Variants in THEMIS observed in about 807,000 individuals in gnomAD.
The protein encoded by THEMIS is protein THEMIS.
In THEMIS, 37 loss-of-function variants were observed where a neutral mutation model predicts 52.6. That is an observed-to-expected ratio of 0.70 (90% CI 0.54 to 0.93). The LOEUF (loss-of-function observed/expected upper bound fraction) is 0.93, where lower values mean the gene tolerates loss of function less well. Among genes scored for constraint, THEMIS ranks in the 40% least tolerant of loss-of-function variants. THEMIS has a pLI of 0.00. For missense variants in THEMIS, 808 were observed against 763.1 expected, an observed-to-expected ratio of 1.06 and a Z score of -0.69; for synonymous variants, 292 against 272.7, an observed-to-expected ratio of 1.07 and a Z score of -0.70.
At chr6:127,781,150 A>G (rs1776729925) in intron 4 of THEMIS, among the ~76,000 whole-genome samples, 1 of 151,376 alleles carries the variant, frequency 6.6e-6, no homozygotes, top group Non-Finnish European at 1.5e-5. Flanking sequence ...TTAATCTTCA[A>G]TCTCTGATAT....
At chr6:127,697,050 T>G in the THEMIS span, among the ~76,000 whole-genome samples, 1 of 152,090 alleles carries the variant, frequency 6.6e-6, no homozygotes, top group African/African-American at 2.4e-5. Context: ...ACTCTAAAAT[T>G]TGTGTCTACA....
At position 127,781,847 on chromosome 6, in the gene THEMIS, G is replaced by T. The variant is rs189783438; in HGVS notation, c.1758+31036C>A. On this transcript the variant is annotated intron_variant, in intron 4 of 5. Coordinates refer to ENST00000368248, the MANE Select transcript of THEMIS (RefSeq NM_001010923.3). ...TGTCTGTCGACCCCTCCCAGGAGGTGTCTCCCAGTCAGGTGCCACTGGGAT... is the reference window on the plus strand; with the variant it reads ...TGTCTGTCGACCCCTCCCAGGAGGTTTCTCCCAGTCAGGTGCCACTGGGAT... 9.1e-4 allele frequency among the ~76,000 whole-genome samples: 138 copies of T among 152,282 alleles called. No homozygotes were observed. The East Asian group carries it at 0.024, about 27-fold the overall frequency.
chr6:127,847,174 AT>A (rs1481156143), intron 2 of THEMIS, among the ~76,000 whole-genome samples: 1 of 152,032 alleles, frequency 6.6e-6, no homozygotes, highest in Non-Finnish European at 1.5e-5. Flanking sequence ...CACAGCCAAC[AT>A]CATACTGAAT....
intron 3 of THEMIS, among the ~76,000 whole-genome samples, chr6:127,815,548 T>C (rs1778098297): frequency 6.6e-6 from 1 of 152,148 alleles, no homozygotes; most frequent in East Asian, 1.9e-4. Context: ...TGGTTGCCTA[T>C]AGGCTAAAGA....
chr6:127,820,531 G>A (rs926613392), intron 3 of THEMIS, among the ~76,000 whole-genome samples: 6 of 152,078 alleles, frequency 3.9e-5, no homozygotes, highest in African/African-American at 1.4e-4. Context: ...CCAGGCTGAG[G>A]AATGTATAAC....
intron 3 of THEMIS, among the ~76,000 whole-genome samples, chr6:127,825,549 C>A (rs766095767): frequency 5.3e-5 from 8 of 152,068 alleles, no homozygotes; most frequent in Non-Finnish European, 1.2e-4. Flanking sequence ...GGTTGGCCTG[C>A]ATAAAAATTG....
At chr6:127,877,137 CT>C (rs1339430916) in intron 1 of THEMIS, among the ~76,000 whole-genome samples, 1 of 152,150 alleles carries the variant, frequency 6.6e-6, no homozygotes, top group Non-Finnish European at 1.5e-5. Context: ...GAGTCATAAT[CT>C]TTTTGCTGGT....
chr6:127,905,098 T>C (rs1283726718), upstream of THEMIS, among the ~76,000 whole-genome samples: 1 of 152,002 alleles, frequency 6.6e-6, no homozygotes, highest in African/African-American at 2.4e-5. Context: ...AGATAATAGC[T>C]GAAGATTTTC....
intron 1 of THEMIS, among the ~76,000 whole-genome samples, chr6:127,874,357 G>A (rs1232970483): frequency 6.6e-6 from 1 of 152,102 alleles, no homozygotes; most frequent in Non-Finnish European, 1.5e-5. Flanking sequence ...ACTGTGACTA[G>A]CACCATAAAC....
rs961799764 is a variant in THEMIS, at chr6:127,769,001, A to C, written c.1758+43882T>G. ...AAATGCAAATGTTGCAGTGTTTCAA[A>C]CACATCACCAAAAGACAATGTTCAT... On this transcript the variant is annotated intron_variant, in intron 4 of 5. Transcript: ENST00000368248. Among the ~76,000 whole-genome samples the C allele has an allele frequency of 1.2e-4, 19 of 152,200 alleles. No homozygotes were observed. In the East Asian group the frequency reaches 1.3e-3, roughly 11 times the overall value.
At chr6:127,901,455 T>A (rs911308892), upstream of THEMIS, among the ~76,000 whole-genome samples, 2 of 152,138 alleles carry the variant, frequency 1.3e-5, no homozygotes, top group Non-Finnish European at 2.9e-5. Flanking sequence ...GCCTTTACAT[T>A]AAAATTGGTA....
Position 127,812,955 on chromosome 6 carries a change from T to C in THEMIS, c.1686A>G (p.Ser562=), listed in dbSNP as rs1777962717. 2 of 1,613,962 alleles carry C rather than the reference T, an allele frequency of 1.2e-6. No homozygotes were observed. The highest frequency in any genetic ancestry group is 2.2e-5 in the South Asian group (2 of 91,080). ...HPPPRPPKHP[S]VEETKLTLLT... is the part of the protein sequence containing the mutation. ...GCAGGGTTAACTTTGTTTCCTCTAC[T>C]GAGGGGTGTTTCGGAGGGCGAGGTG... Residue 562 remains serine, a synonymous_variant, in exon 4 of 6, where the codon TCA becomes TCG. Transcript: ENST00000368248.
At chr6:127,789,173 T>TA (rs1372157559) in intron 4 of THEMIS, among the ~76,000 whole-genome samples, 4 of 151,730 alleles carry the variant, frequency 2.6e-5, no homozygotes, top group Non-Finnish European at 5.9e-5. Flanking sequence ...ATAGACACAA[T>TA]AAAAAATGAT....
Position 127,810,653 on chromosome 6 carries a change from T to C in THEMIS, c.1758+2230A>G, listed in dbSNP as rs1237468985. ...TAAAACAATAAATTTCTGTTCTTTA[T>C]GAATTACTGAGTCTGTGGTATTATG... On this transcript the variant is annotated intron_variant, in intron 4 of 5. Transcript: ENST00000368248. Among the ~76,000 whole-genome samples, 5 of 152,180 alleles carry C rather than the reference T, an allele frequency of 3.3e-5. No homozygotes were observed. The East Asian group carries it at 9.6e-4, about 29-fold the overall frequency.
intron 4 of THEMIS, among the ~76,000 whole-genome samples, chr6:127,803,058 T>C (rs1361613788): frequency 2.6e-5 from 4 of 152,214 alleles, no homozygotes; most frequent in Non-Finnish European, 5.9e-5. Flanking sequence ...ATCCTACACC[T>C]ACCATATGCT....
intron 1 of THEMIS, among the ~76,000 whole-genome samples, chr6:127,871,053 A>G (rs574556290): frequency 3.3e-5 from 5 of 152,266 alleles, no homozygotes; most frequent in African/African-American, 1.2e-4. Context: ...GGTTTCAAGT[A>G]CCCACAATAA....
intron 1 of THEMIS, among the ~76,000 whole-genome samples, chr6:127,857,596 G>A (rs772474118): frequency 1.3e-5 from 2 of 152,000 alleles, no homozygotes; most frequent in Non-Finnish European, 2.9e-5. Context: ...TACATTTCCA[G>A]TTATCATGGT....
At chr6:127,913,853 G>C (rs1781463376) in intron 1 of THEMIS, among the ~76,000 whole-genome samples, 1 of 152,162 alleles carries the variant, frequency 6.6e-6, no homozygotes, top group Non-Finnish European at 1.5e-5. Context: ...AGGACTGTGT[G>C]CTTGCTAGAA....
At chr6:127,835,756 A>C (rs1316827298) in intron 2 of THEMIS, among the ~76,000 whole-genome samples, 1 of 152,186 alleles carries the variant, frequency 6.6e-6, no homozygotes, top group Non-Finnish European at 1.5e-5. Context: ...AAAAATTTCC[A>C]GGAATGATAA....
Sources: allele counts gnomAD v4.1 joint callset (sites outside exome capture counted in the v4.1 genomes callset), GRCh38; gene constraint gnomAD v4.1.1; transcripts MANE v1.5; gene names NCBI Gene and HGNC (gene_info 2026-07-23, HGNC 2026-07-21).